NCSTN: variants seen among roughly 807,000 people sequenced by gnomAD.
NCSTN encodes anterior pharynx-defective 2.
NCSTN carries 22 observed loss-of-function variants against 87.0 expected under a neutral mutation model. The observed-to-expected ratio is 0.25, with a 90% CI of 0.18 to 0.36. NCSTN has a LOEUF of 0.36. Among genes scored for constraint, NCSTN ranks in the 10% least tolerant of loss-of-function variants. NCSTN has a pLI of 1.00. For missense variants in NCSTN, 693 were observed against 883.3 expected (o/e 0.78, Z 2.73); for synonymous variants, 306 against 327.1 (o/e 0.94, Z 0.69).
chr1:160,352,768 G>A (rs1027358993), intron 8 of NCSTN, 119 bp from the exon 9 acceptor site: 2 of 777,384 alleles, frequency 2.6e-6, no homozygotes, highest in Non-Finnish European at 4.6e-6. Context: ...AAGCTGACTA[G>A]CAGTTGAGGT....
chr1:160,352,803 C>T, intron 8 of NCSTN, 84 bp from the exon 9 acceptor site: 3 of 1,047,604 alleles, frequency 2.9e-6, no homozygotes, highest in Admixed American at 1.8e-5. Context: ...GTCTTACCTA[C>T]AGCTTTGATG....
chr1:160,349,487 C>G, intron 3 of NCSTN, 62 bp from the exon 4 acceptor site: 3 of 1,607,374 alleles, frequency 1.9e-6, no homozygotes, highest in Non-Finnish European at 2.6e-6. Context: ...ATCCTGCAGG[C>G]AGAATGTCAG....
rs531467764 is a variant in NCSTN, at chr1:160,353,692, C to T, written c.1180-426C>T. 63 of 985,332 alleles carry T rather than the reference C, an allele frequency of 6.4e-5. No homozygotes were observed. In the African/African-American group the frequency reaches 1.0e-3, roughly 16 times the overall value. The allele number at this position is 985,332 out of a possible 1,614,324, so 61.0% of individuals were successfully genotyped here. A position where few individuals can be genotyped will look rare whatever the true frequency, so the allele number is the denominator to read the frequency against. ...TTTTTTCCAGGTGGTCCTCTTTCTG[C>T]AATTCCAGCCTTCAGCATCATCCCT... On this transcript the variant is annotated intron_variant, in intron 10 of 16. Coordinates refer to ENST00000294785, the MANE Select transcript of NCSTN (RefSeq NM_015331.3).
In NCSTN at chr1:160,352,164, G is replaced by A; in HGVS notation, c.954G>A (p.Val318=). The stretch of plus-strand genomic sequence containing the variant: ...AAGCTTTGCAAAAGGCACCTGATGT[G>A]ACCACCCTGCCCCGCAATGTCATGT... ...AAEALQKAPD[V]TTLPRNVMFV... is the part of the protein sequence containing the mutation. Residue 318 remains valine, a synonymous_variant, in exon 8 of 17, where the codon GTG becomes GTA. Coordinates refer to ENST00000294785, the MANE Select transcript of NCSTN (RefSeq NM_015331.3). The A allele has an allele frequency of 6.2e-7, 1 of 1,614,192 alleles. No individual in the cohort carries two copies. Among genetic ancestry groups the A allele is most frequent in the East Asian group, 2.2e-5 (1 of 44,888 alleles).
chr1:160,351,975 C>G (rs1289149738), intron 7 of NCSTN, 79 bp from the exon 8 acceptor site: 1 of 1,564,440 alleles, frequency 6.4e-7, no homozygotes, highest in Non-Finnish European at 8.8e-7. Flanking sequence ...CAGGTATATT[C>G]TCTTGACTGG....
intron 11 of NCSTN, among the ~76,000 whole-genome samples, 177 bp from the exon 12 acceptor site, chr1:160,355,478 C>T (rs114527993): frequency 0.023 from 3,563 of 152,308 alleles, 141 homozygotes; most frequent in African/African-American, 0.082. Context: ...ACCTCACCCT[C>T]ACTCCTACCT....
chr1:160,343,593 C>A, intron 1 of NCSTN, 112 bp downstream of exon 1: 1 of 997,112 alleles, frequency 1.0e-6, no homozygotes, highest in Non-Finnish European at 1.6e-6. Flanking sequence ...GTCCCCCCAC[C>A]CTGTAAATCC....
At chr1:160,344,538 C>T (rs1648338274) in intron 1 of NCSTN, 184 bp from the exon 2 acceptor site, 3 of 1,549,480 alleles carry the variant, frequency 1.9e-6, no homozygotes, top group Non-Finnish European at 2.6e-6. Flanking sequence ...AGCTGGGTGC[C>T]ATGTAGAACA....
rs201446902 is a variant in NCSTN, at chr1:160,350,127, G to A, written c.459G>A (p.Gly153=). 5.6e-6 allele frequency: 9 copies of A among 1,614,050 alleles called. No individual in the cohort carries two copies. Among genetic ancestry groups the A allele is most frequent in the Admixed American group, 1.7e-5 (1 of 60,014 alleles). Reference sequence around the variant, plus strand: ...CAGGTGTTTACTCCAATTCCTATGGGCCAGAGTTTGCTCACTGCAGAGAAA... The same window carrying A: ...CAGGTGTTTACTCCAATTCCTATGGACCAGAGTTTGCTCACTGCAGAGAAA... The part of the protein sequence containing the change: ...DGFGVYSNSY[G]PEFAHCREIQ... The change falls in exon 5 of 17, where the codon GGG becomes GGA. Residue 153 remains glycine (G), a synonymous_variant. Coordinates refer to ENST00000294785, the MANE Select transcript of NCSTN (RefSeq NM_015331.3).
At chr1:160,344,634 A>G (rs951537072) in intron 1 of NCSTN, 88 bp from the exon 2 acceptor site, 1 of 1,575,974 alleles carries the variant, frequency 6.3e-7, no homozygotes, top group Non-Finnish European at 8.6e-7. Flanking sequence ...TAAATGATTT[A>G]CCCAAGCCAT....
At chr1:160,356,876 A>G in intron 15 of NCSTN, 122 bp downstream of exon 15, 1 of 1,431,300 alleles carries the variant, frequency 7.0e-7, no homozygotes, top group South Asian at 1.2e-5. Context: ...TGCAGTCCTC[A>G]GCAATTGGGT....
chr1:160,343,633 T>TC (rs1253988830), intron 1 of NCSTN, 152 bp downstream of exon 1: 9 of 821,810 alleles, frequency 1.1e-5, no homozygotes, highest in Middle Eastern at 2.2e-4. Context: ...CGACAGAAGT[T>TC]CCCCCTTTGC....
At chr1:160,355,823 G>A in intron 12 of NCSTN, 40 bp from the exon 13 acceptor site, 1 of 1,604,242 alleles carries the variant, frequency 6.2e-7, no homozygotes, top group Non-Finnish European at 8.5e-7. Context: ...TTTGAGGATA[G>A]GAGAGGTGGG....
intron 5 of NCSTN, among the ~76,000 whole-genome samples, chr1:160,350,724 C>G (rs1160061532): frequency 6.6e-6 from 1 of 151,362 alleles, no homozygotes; most frequent in Non-Finnish European, 1.5e-5. Flanking sequence ...AAAAAAAAAG[C>G]ATTGGATTAG....
At chr1:160,347,546 A>C (rs887594904) in intron 2 of NCSTN, among the ~76,000 whole-genome samples, 2 of 152,160 alleles carry the variant, frequency 1.3e-5, no homozygotes, top group African/African-American at 4.8e-5. Context: ...CCCAGATTAG[A>C]ATCCAGGTTT....
chr1:160,345,302 C>T, intron 2 of NCSTN: 1 of 207,654 alleles, frequency 4.8e-6, no homozygotes, highest in Non-Finnish European at 1.0e-5. Context: ...AAGTGATTCT[C>T]CTGCCTCAGC....
At chr1:160,346,915 A>C (rs746253848) in intron 2 of NCSTN, among the ~76,000 whole-genome samples, 14 of 152,194 alleles carry the variant, frequency 9.2e-5, no homozygotes, top group Non-Finnish European at 1.5e-4. Flanking sequence ...CTCTGGACTT[A>C]GTTTCTGAAC....
At chr1:160,344,995 A>G in intron 2 of NCSTN, 169 bp downstream of exon 2, 1 of 694,898 alleles carries the variant, frequency 1.4e-6, no homozygotes, top group South Asian at 1.6e-5. Flanking sequence ...AAGAACTAAC[A>G]TTTAGTAAAT....
At position 160,351,249 on chromosome 1, in the gene NCSTN, A is replaced by G. The variant is rs1648822514; in HGVS notation, c.610A>G (p.Asn204Asp). ...QCYQDHNLSQ[N>D]GSAPTFPLCA... ...CTATCAAGATCACAACCTGAGTCAG[A>G]ATGGCTCAGCACCAACCTTCCCACT... Residue 204 changes from asparagine (N) to aspartate (D), a missense_variant, in exon 6 of 17, where the codon AAT becomes GAT. Asn to Asp is a conservative substitution (Grantham distance 23, BLOSUM62 1). Coordinates refer to ENST00000294785, the MANE Select transcript of NCSTN (RefSeq NM_015331.3). The G allele has an allele frequency of 5.0e-6, 8 of 1,614,050 alleles. 1 individual carries two copies. The South Asian group carries it at 8.8e-5, about 18-fold the overall frequency.
Sources: allele counts gnomAD v4.1 joint callset (sites outside exome capture counted in the v4.1 genomes callset), GRCh38; gene constraint gnomAD v4.1.1; transcripts MANE v1.5; gene names NCBI Gene and HGNC (gene_info 2026-07-23, HGNC 2026-07-21).